The following ZNF675 variants were observed in gnomAD, a reference collection of about 807,000 sequenced individuals.
ZNF675 encodes zinc finger protein 675.
A neutral mutation model predicts 56.1 loss-of-function variants in ZNF675; 36 were observed. The observed-to-expected ratio is 0.64, with a 90% CI of 0.49 to 0.85. ZNF675 has a LOEUF of 0.85. ZNF675 is among the 40% of genes least tolerant of loss of function. ZNF675 has a pLI of 0.00. For missense variants in ZNF675, 663 were observed against 654.2 expected (o/e 1.01, Z -0.15); for synonymous variants, 200 against 218.9 (o/e 0.91, Z 0.76).
intron 1 of ZNF675, among the ~76,000 whole-genome samples, chr19:23,673,874 C>T (rs1192790859): frequency 1.3e-5 from 2 of 149,560 alleles, no homozygotes; most frequent in African/African-American, 5.1e-5. Flanking sequence ...AAAATTTTAT[C>T]CGGCCCCAGA....
intron 3 of ZNF675, among the ~76,000 whole-genome samples, chr19:23,660,011 T>G (rs8100995): frequency 0.96 from 143,517 of 149,812 alleles, 69,046 homozygotes; most frequent in East Asian, 1. Context: ...TATTTTGATA[T>G]AAGGCCCACC....
At chr19:23,680,301 T>C (rs1441735754) in intron 1 of ZNF675, among the ~76,000 whole-genome samples, 1 of 151,330 alleles carries the variant, frequency 6.6e-6, no homozygotes, top group African/African-American at 2.4e-5. Flanking sequence ...AGACTCCGTC[T>C]CAAAAAAATA....
rs1048176863 is a variant in ZNF675, at chr19:23,661,316, G to T, written c.226+798C>A. 2.6e-5 allele frequency among the ~76,000 whole-genome samples: 4 copies of T among 151,538 alleles called. No individual in the cohort carries two copies. In the South Asian group the frequency reaches 8.3e-4, roughly 32 times the overall value. ...GTGAGCCACCGTGCCTGGCCCTTGA[G>T]CCGATGCCCAGCCCTTTATAATTTC... On this transcript the variant is annotated intron_variant, in intron 3 of 3. Coordinates refer to ENST00000359788, the MANE Select transcript of ZNF675 (RefSeq NM_138330.3).
rs1323948592 is a variant in ZNF675 at position 23,656,836 on chromosome 19, A to G, written c.227-2130T>C. 1.3e-5 allele frequency: 2 copies of G among 152,192 alleles called. 1 individual carries two copies. The highest frequency in any genetic ancestry group is 4.8e-5 in the African/African-American group (2 of 41,442). 9.4% of individuals were successfully genotyped at this position (152,192 alleles called of 1,614,324 possible). A position where few individuals can be genotyped will look rare whatever the true frequency, so the allele number is the denominator to read the frequency against. ...GTTTGTCAACGGCTGGAGAGAGGAT[A>G]AAATGGGCAGTTGTTAATGGGTATT... On this transcript the variant is annotated intron_variant, in intron 3 of 3. Transcript: ENST00000359788.
At chr19:23,676,465 T>C (rs1021518960) in intron 1 of ZNF675, among the ~76,000 whole-genome samples, 1 of 151,568 alleles carries the variant, frequency 6.6e-6, no homozygotes, top group Non-Finnish European at 1.5e-5. Flanking sequence ...AACAAAATAC[T>C]GAAAAACCAA....
chr19:23,682,090 T>C (rs1034556166), intron 1 of ZNF675, among the ~76,000 whole-genome samples: 12 of 151,956 alleles, frequency 7.9e-5, no homozygotes, highest in Admixed American at 1.3e-4. Context: ...CTTAAAAAAA[T>C]CAGCTAAATT....
intron 3 of ZNF675, among the ~76,000 whole-genome samples, chr19:23,657,949 C>CA (rs1462274819): frequency 1.3e-5 from 2 of 151,566 alleles, no homozygotes; most frequent in Non-Finnish European, 2.9e-5. Context: ...AATGGTAAAA[C>CA]AAAAAAACAA....
In ZNF675 at chr19:23,653,578, T is replaced by C; in HGVS notation, c.1355A>G (p.Tyr452Cys). 6.2e-7 allele frequency: 1 copy of C among 1,612,830 alleles called. No individual in the cohort carries two copies. The highest frequency in any genetic ancestry group is 1.1e-5 in the South Asian group (1 of 90,966). The change falls in exon 4 of 4, where the codon TAC becomes TGC. Residue 452 changes from tyrosine to cysteine, a missense_variant. By Grantham distance (194) the Tyr-to-Cys change is radical. Around this residue, in one of 3 missense-constraint regions of ZNF675, gnomAD observed 617 missense variants for 590.5 expected, o/e 1.04. Coordinates refer to ENST00000359788, the MANE Select transcript of ZNF675 (RefSeq NM_138330.3). ...AGCTTTGCCACATTCTTCACATTTGTAGGGTTTCTTTCCAGTATGAAGTTT... is the reference window on the plus strand; with the variant it reads ...AGCTTTGCCACATTCTTCACATTTGCAGGGTTTCTTTCCAGTATGAAGTTT... ...HKKLHTGKKPYKCEECGKAFI... is the reference protein window; with the variant it reads ...HKKLHTGKKPCKCEECGKAFI...
chr19:23,683,856 T>C (rs1435030116), intron 1 of ZNF675, among the ~76,000 whole-genome samples: 2 of 151,246 alleles, frequency 1.3e-5, no homozygotes, highest in African/African-American at 2.4e-5. Context: ...TTTTAACAAA[T>C]AGAATATATA....
At chr19:23,658,714 T>A (rs988472109) in intron 3 of ZNF675, 1 of 91,066 alleles carries the variant, frequency 1.1e-5, no homozygotes, top group African/African-American at 3.9e-5. Context: ...CTTAAATATA[T>A]GCTATTGTTA....
At chr19:23,674,984 AAG>A (rs1555707802) in intron 1 of ZNF675, among the ~76,000 whole-genome samples, 2 of 138,794 alleles carry the variant, frequency 1.4e-5, no homozygotes, top group African/African-American at 2.7e-5. Context: ...AAAAAAAAAA[AAG>A]AGAGAGAGAG....
rs1968102094 is a variant in ZNF675, at chr19:23,663,063, A to G, written c.99T>C (p.Ile33=). Reference sequence around the variant, plus strand: ...AGACCAGGTTTCTGTAGTTCTCTAAAATCACATTTTTATATAAATTCCGCT... The same window carrying G: ...AGACCAGGTTTCTGTAGTTCTCTAAGATCACATTTTTATATAAATTCCGCT... ...TAQRNLYKNV[I]LENYRNLVFL... is the part of the protein sequence containing the mutation. The change falls in exon 2 of 4, where the codon ATT becomes ATC. Residue 33 remains isoleucine, a synonymous_variant. Transcript: ENST00000359788. 2.5e-6 allele frequency: 4 copies of G among 1,604,446 alleles called. No individual in the cohort carries two copies. In the East Asian group the frequency reaches 6.7e-5, roughly 27 times the overall value.
rs1291993966 is a variant in ZNF675 at position 23,654,586 on chromosome 19, C to T, written c.347G>A (p.Cys116Tyr). The T allele has an allele frequency of 1.2e-6, 2 of 1,611,958 alleles. No homozygotes were observed. The highest frequency in any genetic ancestry group is 1.7e-5 in the Admixed American group (1 of 59,636). The change falls in exon 4 of 4, where the codon TGT becomes TAT. Residue 116 changes from cysteine to tyrosine, a missense_variant. Coordinates refer to ENST00000359788, the MANE Select transcript of ZNF675 (RefSeq NM_138330.3). ...CAACTTACATTCATCCACACTTTTA[C>T]AGCCTTTTAACTGAAAATTATCATT... The part of the protein sequence containing the change: ...CGNDNFQLKG[C>Y]KSVDECKLHK...
chr19:23,668,984 CG>C lies in ZNF675; in HGVS notation c.4-5827del, dbSNP rs1435156770. Reference sequence around the variant, plus strand: ...CCAGAAAGGGGCTCCCACAGTGCAGCGGTGGGCTGAAGGGCTCCTCAAGTGC... The same window carrying C: ...CCAGAAAGGGGCTCCCACAGTGCAGCGTGGGCTGAAGGGCTCCTCAAGTGC... On this transcript the variant is annotated intron_variant, in intron 1 of 3. Coordinates refer to ENST00000359788, the MANE Select transcript of ZNF675 (RefSeq NM_138330.3). Among the ~76,000 whole-genome samples the C allele has an allele frequency of 5.9e-5, 9 of 152,332 alleles. No homozygotes were observed. In the East Asian group the frequency reaches 1.6e-3, roughly 26 times the overall value.
At chr19:23,666,213 G>C (rs527868950) in intron 1 of ZNF675, among the ~76,000 whole-genome samples, 1 of 152,234 alleles carries the variant, frequency 6.6e-6, no homozygotes, top group African/African-American at 2.4e-5. Context: ...AGGCAGATAG[G>C]AAATTGGCTG....
chr19:23,662,020 G>T, intron 3 of ZNF675, 94 bp downstream of exon 3: 1 of 900,754 alleles, frequency 1.1e-6, no homozygotes, highest in Non-Finnish European at 1.8e-6. Context: ...TTAAAACACG[G>T]CTTCCCAAAT....
chr19:23,667,975 C>G (rs1033529776), intron 1 of ZNF675, among the ~76,000 whole-genome samples: 1 of 150,156 alleles, frequency 6.7e-6, no homozygotes, highest in Non-Finnish European at 1.5e-5. Flanking sequence ...CCCACCAGAG[C>G]AGCTAGACAC....
intron 1 of ZNF675, among the ~76,000 whole-genome samples, chr19:23,667,528 G>C (rs1253349617): frequency 6.6e-6 from 1 of 152,110 alleles, no homozygotes; most frequent in Non-Finnish European, 1.5e-5. Context: ...GTCCCCAGCA[G>C]ATTAGTTACA....
intron 3 of ZNF675, chr19:23,655,868 A>G (rs932468626): frequency 1.3e-5 from 2 of 152,214 alleles, no homozygotes; most frequent in Non-Finnish European, 2.9e-5. Flanking sequence ...ACACTTTGGA[A>G]GACCCAGCTG....
Sources: gnomAD v4.1 joint callset for allele counts (sites outside exome capture counted in the v4.1 genomes callset) on GRCh38, gnomAD v4.1.1 for gene constraint, gnomAD v4.1.1 regional missense constraint, MANE v1.5 for transcripts, NCBI Gene and HGNC (gene_info 2026-07-23, HGNC 2026-07-21) for gene names.